SNX5: variants seen among roughly 807,000 people sequenced by gnomAD.
SNX5 encodes sorting nexin 5, also known as sorting nexin-5.
SNX5 carries 31 observed loss-of-function variants against 53.9 expected under a neutral mutation model. That is an observed-to-expected ratio of 0.58 (90% CI 0.43 to 0.78). SNX5 has a LOEUF of 0.78. Among genes scored for constraint, SNX5 ranks in the 30% least tolerant of loss-of-function variants. The probability of loss-of-function intolerance (pLI) is 0.00; values close to 1 mark genes in which losing one functional copy is unlikely to be tolerated. For missense variants in SNX5, 471 were observed against 478.8 expected (o/e 0.98, Z 0.15); for synonymous variants, 168 against 171.1 (o/e 0.98, Z 0.14).
At chr20:17,956,892 G>A (rs745789058) in intron 2 of SNX5, 41 bp downstream of exon 2, 4 of 1,007,218 alleles carry the variant, frequency 4.0e-6, no homozygotes, top group Non-Finnish European at 6.4e-6. Flanking sequence ...TAACAAGGCT[G>A]CAACCTAGCA....
Position 17,947,474 on chromosome 20 carries a change from G to A in SNX5, c.1078+12C>T. ...CAAATTACAGTACAGAAAGAAGAAT[G>A]TCCTGCTCAACCTTCTTTTGCAGAT... On this transcript the variant is annotated intron_variant, in intron 11 of 12. Transcript: ENST00000377759. The A allele has an allele frequency of 1.2e-6, 2 of 1,610,412 alleles. No individual in the cohort carries two copies.
intron 1 of SNX5, among the ~76,000 whole-genome samples, chr20:17,966,008 A>T (rs2035530979): frequency 6.6e-6 from 1 of 152,170 alleles, no homozygotes; most frequent in Non-Finnish European, 1.5e-5. Context: ...CACACCAGTT[A>T]AACACGAAAC....
chr20:17,966,677 A>T (rs1040179683), intron 1 of SNX5, among the ~76,000 whole-genome samples: 13 of 152,236 alleles, frequency 8.5e-5, no homozygotes, highest in Non-Finnish European at 1.3e-4. Context: ...CTTAGGGAGA[A>T]TTCCAAACCA....
chr20:17,948,247 C>T (rs1600335197), intron 10 of SNX5, among the ~76,000 whole-genome samples: 1 of 152,242 alleles, frequency 6.6e-6, no homozygotes, highest in Non-Finnish European at 1.5e-5. Flanking sequence ...CTCAAATAAT[C>T]GTAAGTGAGC....
rs2039503350 is a variant in SNX5 at position 17,947,553 on chromosome 20, C to A, written c.1011G>T (p.Lys337Asn). ...ACTCCTGCTGGTGTGCCTCAGCCAACTTGACGTCTTTGCTCTTTAACCGGG... is the reference window on the plus strand; with the variant it reads ...ACTCCTGCTGGTGTGCCTCAGCCAAATTGACGTCTTTGCTCTTTAACCGGG... ...DKARLKSKDV[K>N]LAEAHQQECC... Residue 337 changes from lysine to asparagine, a missense_variant, in exon 11 of 13, where the codon AAG becomes AAT. By Grantham distance (94) the Lys-to-Asn change is moderately conservative. Transcript: ENST00000377759. 1.1e-5 allele frequency: 17 copies of A among 1,613,990 alleles called. No homozygotes were observed. The East Asian group carries it at 3.6e-4, about 34-fold the overall frequency.
At chr20:17,965,670 CAAAAA>C (rs74179147) in intron 1 of SNX5, among the ~76,000 whole-genome samples, 1 of 97,066 alleles carries the variant, frequency 1.0e-5, no homozygotes, top group African/African-American at 3.9e-5. Flanking sequence ...GACCCTGTCT[CAAAAA>C]AAAAAAAAAA....
chr20:17,951,725 T>C (rs2039571268), intron 5 of SNX5, 130 bp from the exon 6 acceptor site: 1 of 616,314 alleles, frequency 1.6e-6, no homozygotes, highest in South Asian at 2.3e-5. Context: ...TCTTTAATTC[T>C]GCCTTAACCT....
chr20:17,965,292 CAA>C (rs933576726), intron 1 of SNX5, among the ~76,000 whole-genome samples: 1 of 152,194 alleles, frequency 6.6e-6, no homozygotes, highest in African/African-American at 2.4e-5. Context: ...CACTCCTCAA[CAA>C]AAGTGATCAG....
At chr20:17,952,809 T>A (rs2039589190) in intron 4 of SNX5, 99 bp from the exon 5 acceptor site, 2 of 1,384,434 alleles carry the variant, frequency 1.4e-6, no homozygotes, top group Non-Finnish European at 9.7e-7. Context: ...TGCCACCACA[T>A]AAAACACTGC....
In SNX5 at chr20:17,961,335, C is replaced by T. The variant is rs996838905; in HGVS notation, c.52-4298G>A. On this transcript the variant is annotated intron_variant, in intron 1 of 12. Coordinates refer to ENST00000377759, the MANE Select transcript of SNX5 (RefSeq NM_014426.4). Reference sequence around the variant, plus strand: ...AAAGGGCACCTGGATGACTGAACAACACAAAAGGCAAGATTCTAAAACTCA... The same window carrying T: ...AAAGGGCACCTGGATGACTGAACAATACAAAAGGCAAGATTCTAAAACTCA... 4.1e-6 allele frequency: 4 copies of T among 985,278 alleles called. No homozygotes were observed. In the African/African-American group the frequency reaches 7.0e-5, roughly 17 times the overall value. 61.0% of individuals were successfully genotyped at this position (985,278 alleles called of 1,614,324 possible). A position where few individuals can be genotyped will look rare whatever the true frequency, so the allele number is the denominator to read the frequency against.
intron 8 of SNX5, among the ~76,000 whole-genome samples, chr20:17,949,824 G>T (rs1020785016): frequency 3.3e-5 from 5 of 152,196 alleles, no homozygotes; most frequent in Admixed American, 2.0e-4. Context: ...CCAATTGCCA[G>T]GGGAAGATGC....
At chr20:17,958,635 A>AT (rs1267240002) in intron 1 of SNX5, among the ~76,000 whole-genome samples, 2 of 152,188 alleles carry the variant, frequency 1.3e-5, no homozygotes, top group Non-Finnish European at 2.9e-5. Flanking sequence ...TGAATTCTTG[A>AT]TAACTCCTAT....
chr20:17,959,219 A>G (rs1347993356), intron 1 of SNX5, among the ~76,000 whole-genome samples: 3 of 152,234 alleles, frequency 2.0e-5, no homozygotes, highest in African/African-American at 7.2e-5. Context: ...AATGGAGCTC[A>G]TTTGTGCACC....
At chr20:17,961,127 T>C (rs1255951369) in intron 1 of SNX5, 1 of 985,274 alleles carries the variant, frequency 1.0e-6, no homozygotes, top group Non-Finnish European at 1.2e-6. Context: ...GGAATCCCTG[T>C]GCATTTCCTC....
intron 11 of SNX5, chr20:17,943,931 C>G (rs1331775940): frequency 6.6e-6 from 1 of 152,152 alleles, no homozygotes; most frequent in Non-Finnish European, 1.5e-5. Flanking sequence ...TTACAATAGC[C>G]AAAATACAAA....
intron 12 of SNX5, 47 bp downstream of exon 12, chr20:17,943,063 G>T: frequency 7.4e-7 from 1 of 1,345,292 alleles, no homozygotes; most frequent in Non-Finnish European, 1.1e-6. Flanking sequence ...GAAATAACTT[G>T]GAAAAAACCA....
At position 17,942,377 on chromosome 20, in the gene SNX5, C is replaced by G. The variant is rs1340221518; in HGVS notation, c.1195G>C (p.Asp399His). 6.2e-7 allele frequency: 1 copy of G among 1,611,228 alleles called. No individual in the cohort carries two copies. The highest frequency in any genetic ancestry group is 2.2e-5 in the East Asian group (1 of 44,864). ...NNVSLLQSCIDLFKNN is the reference protein window; with the variant it reads ...NNVSLLQSCIHLFKNN Reference sequence around the variant, plus strand: ...GCATATCAGTTATTCTTGAACAAGTCAATACAGCTCTGCAAAAGGGAGACA... The same window carrying G: ...GCATATCAGTTATTCTTGAACAAGTGAATACAGCTCTGCAAAAGGGAGACA... The change falls in exon 13 of 13, where the codon GAC becomes CAC. Residue 399 changes from aspartate (D) to histidine (H), a missense_variant. Coordinates refer to ENST00000377759, the MANE Select transcript of SNX5 (RefSeq NM_014426.4).
In SNX5 at chr20:17,966,275, C is replaced by A. The variant is rs1382461422; in HGVS notation, c.51+2100G>T. ...CGGTGAGCGACTGTAATCCCAGCTA[C>A]TTGAGAGGCTGAGGCAGGAGAATCG... On this transcript the variant is annotated intron_variant, in intron 1 of 12. Coordinates refer to ENST00000377759, the MANE Select transcript of SNX5 (RefSeq NM_014426.4). Among the ~76,000 whole-genome samples, 3 of 151,930 alleles carry A rather than the reference C, an allele frequency of 2.0e-5. No homozygotes were observed. The East Asian group carries it at 5.8e-4, about 29-fold the overall frequency.
intron 1 of SNX5, chr20:17,962,289 C>T (rs1352187964): frequency 1.2e-5 from 2 of 169,488 alleles, no homozygotes; most frequent in Admixed American, 1.2e-4. Context: ...ACCTCCACCC[C>T]CGGGGTTCAA....
Sources: allele counts gnomAD v4.1 joint callset (sites outside exome capture counted in the v4.1 genomes callset), GRCh38; gene constraint gnomAD v4.1.1; transcripts MANE v1.5; gene names NCBI Gene and HGNC (gene_info 2026-07-23, HGNC 2026-07-21).